SMOC2: variants seen among roughly 807,000 people sequenced by gnomAD.
SMOC2 encodes the protein SPARC related modular calcium binding 2.
In SMOC2, 39 loss-of-function variants were observed where a neutral mutation model predicts 61.4. The observed-to-expected ratio is 0.64, with a 90% CI of 0.49 to 0.83. The LOEUF is 0.83. Among genes scored for constraint, SMOC2 ranks in the 40% least tolerant of loss-of-function variants. The pLI, the probability that SMOC2 is intolerant of heterozygous loss-of-function variation, is 0.00. For missense variants in SMOC2, 556 were observed against 592.9 expected, an observed-to-expected ratio of 0.94 and a Z score of 0.65; for synonymous variants, 247 against 239.9, an observed-to-expected ratio of 1.03 and a Z score of -0.27.
rs557420274 is a variant in SMOC2 at position 168,570,448 on chromosome 6, C to T, written c.637+21245C>T. 2.6e-5 allele frequency among the ~76,000 whole-genome samples: 4 copies of T among 152,268 alleles called. No individual in the cohort carries two copies. The South Asian group carries it at 8.3e-4, about 32-fold the overall frequency. Reference sequence around the variant, plus strand: ...TAGGAAAGAATGCTGGAAATAAAAGCACCCAACGGCCCAGGGCGCACTCCT... The same window carrying T: ...TAGGAAAGAATGCTGGAAATAAAAGTACCCAACGGCCCAGGGCGCACTCCT... On this transcript the variant is annotated intron_variant, in intron 7 of 12. Coordinates refer to ENST00000356284, the MANE Select transcript of SMOC2 (RefSeq NM_001166412.2).
intron 1 of SMOC2, among the ~76,000 whole-genome samples, chr6:168,497,655 G>A (rs932855851): frequency 2.8e-4 from 42 of 152,156 alleles, no homozygotes; most frequent in South Asian, 1.0e-3. Context: ...ACCAATCCCC[G>A]TTAGGAGCCC....
At chr6:168,473,117 G>A (rs1406554419) in intron 1 of SMOC2, among the ~76,000 whole-genome samples, 1 of 152,198 alleles carries the variant, frequency 6.6e-6, no homozygotes, top group Non-Finnish European at 1.5e-5. Flanking sequence ...CACCCCTGAA[G>A]GTGACTACAG....
At chr6:168,490,601 GC>G (rs1369704482) in intron 1 of SMOC2, among the ~76,000 whole-genome samples, 1 of 152,184 alleles carries the variant, frequency 6.6e-6, no homozygotes, top group East Asian at 1.9e-4. Context: ...CTCCTTGCAA[GC>G]CCCTAGGTTT....
chr6:168,524,959 G>T (rs963385064), intron 2 of SMOC2, among the ~76,000 whole-genome samples: 1 of 152,202 alleles, frequency 6.6e-6, no homozygotes, highest in African/African-American at 2.4e-5. Context: ...TAATCGGATC[G>T]CATTTTGCCA....
intron 8 of SMOC2, among the ~76,000 whole-genome samples, chr6:168,600,332 G>A (rs749123661): frequency 4.8e-5 from 7 of 145,440 alleles, no homozygotes; most frequent in African/African-American, 7.6e-5. Flanking sequence ...GCTTGAATCC[G>A]GGAGGCGGAG....
chr6:168,548,917 TAGAG>T (rs1430566477), intron 6 of SMOC2, among the ~76,000 whole-genome samples: 1 of 152,232 alleles, frequency 6.6e-6, no homozygotes, highest in Non-Finnish European at 1.5e-5. Context: ...TACTTTTGGA[TAGAG>T]AGAAGAATGC....
chr6:168,645,625 A>C (rs1347979277), intron 9 of SMOC2, among the ~76,000 whole-genome samples: 1 of 152,212 alleles, frequency 6.6e-6, no homozygotes, highest in Middle Eastern at 3.2e-3. Flanking sequence ...CCCGGGCACA[A>C]GAGTGGAGAT....
At chr6:168,519,228 T>TA (rs1353408512) in intron 2 of SMOC2, among the ~76,000 whole-genome samples, 2 of 151,862 alleles carry the variant, frequency 1.3e-5, no homozygotes, top group Non-Finnish European at 2.9e-5. Flanking sequence ...AGAGAGTGTG[T>TA]ATACGTGCAT....
chr6:168,633,228 A>G (rs936957593), intron 9 of SMOC2, among the ~76,000 whole-genome samples: 7 of 152,258 alleles, frequency 4.6e-5, no homozygotes, highest in African/African-American at 7.2e-5. Flanking sequence ...TGAGGAATGT[A>G]TACATGTAAA....
At position 168,467,467 on chromosome 6, in the gene SMOC2, C is replaced by T. The variant is rs142860928; in HGVS notation, c.84+26013C>T. Among the ~76,000 whole-genome samples the T allele has an allele frequency of 5.8e-3, 886 of 152,174 alleles. 9 individuals are homozygous for T. Among genetic ancestry groups the T allele is most frequent in the African/African-American group, 0.021 (852 of 41,516 alleles). ...GACTACAGGTGCACACCACCACACC[C>T]GGCTAATTTTTTTTGTATTTTTAGT... On this transcript the variant is annotated intron_variant, in intron 1 of 12. Coordinates refer to ENST00000356284, the MANE Select transcript of SMOC2 (RefSeq NM_001166412.2).
chr6:168,518,834 TGTGCATGC>T (rs1783229749), intron 2 of SMOC2, among the ~76,000 whole-genome samples: 1 of 120,484 alleles, frequency 8.3e-6, no homozygotes, highest in African/African-American at 3.4e-5. Flanking sequence ...AGTGCATGAG[TGTGCATGC>T]GTGTGTGTGC....
chr6:168,547,383 A>G (rs1448728891), intron 6 of SMOC2, among the ~76,000 whole-genome samples: 1 of 151,612 alleles, frequency 6.6e-6, no homozygotes, highest in Non-Finnish European at 1.5e-5. Context: ...AGGAGAGGAA[A>G]ACAGCAAGCC....
chr6:168,491,563 C>A (rs562750803), intron 1 of SMOC2, among the ~76,000 whole-genome samples: 1 of 152,218 alleles, frequency 6.6e-6, no homozygotes, highest in East Asian at 1.9e-4. Context: ...CACCAGTCAG[C>A]CAGAGCTTCC....
chr6:168,555,914 T>A (rs1281852825), intron 7 of SMOC2, among the ~76,000 whole-genome samples: 2 of 151,980 alleles, frequency 1.3e-5, no homozygotes, highest in Admixed American at 6.5e-5. Flanking sequence ...ACCAGCAGGG[T>A]GGGCGGCTGC....
intron 1 of SMOC2, among the ~76,000 whole-genome samples, chr6:168,480,080 A>G (rs1279066388): frequency 6.6e-6 from 1 of 152,180 alleles, no homozygotes; most frequent in Non-Finnish European, 1.5e-5. Flanking sequence ...GCCCACAATA[A>G]GAAAAAATAT....
intron 9 of SMOC2, among the ~76,000 whole-genome samples, chr6:168,646,499 A>G (rs1266846155): frequency 6.6e-6 from 1 of 152,248 alleles, no homozygotes; most frequent in African/African-American, 2.4e-5. Flanking sequence ...TAAAAGACAA[A>G]GAGAAAAGAA....
intron 8 of SMOC2, among the ~76,000 whole-genome samples, chr6:168,605,354 G>T (rs536982581): frequency 6.6e-6 from 1 of 152,288 alleles, no homozygotes; most frequent in East Asian, 1.9e-4. Flanking sequence ...CCCTGGCAGA[G>T]AACCTGGTAT....
chr6:168,631,874 C>T (rs1786579222), intron 9 of SMOC2, among the ~76,000 whole-genome samples: 1 of 152,134 alleles, frequency 6.6e-6, no homozygotes, highest in Non-Finnish European at 1.5e-5. Context: ...GTGAAGAGTT[C>T]ATTTCCTGCA....
chr6:168,596,031 TGAA>T (rs1785324191), intron 7 of SMOC2, among the ~76,000 whole-genome samples: 1 of 126,704 alleles, frequency 7.9e-6, no homozygotes, highest in Non-Finnish European at 1.8e-5. Context: ...TGGAGAGGCA[TGAA>T]CAAGCGCCAC....
Sources: allele counts gnomAD v4.1 joint callset (sites outside exome capture counted in the v4.1 genomes callset), GRCh38; gene constraint gnomAD v4.1.1; transcripts MANE v1.5; gene names NCBI Gene and HGNC (gene_info 2026-07-23, HGNC 2026-07-21).